KCNH7: variants seen among roughly 807,000 people sequenced by gnomAD.
KCNH7 encodes voltage-gated inwardly rectifying potassium channel KCNH7.
A neutral mutation model predicts 120.8 loss-of-function variants in KCNH7; 49 were observed. That is an observed-to-expected ratio of 0.41 (90% CI 0.32 to 0.51). The LOEUF is 0.51. Among genes scored for constraint, KCNH7 ranks in the 20% least tolerant of loss-of-function variants. The probability of loss-of-function intolerance (pLI) is 0.38; values close to 1 mark genes in which losing one functional copy is unlikely to be tolerated. For synonymous variants in KCNH7, 547 were observed against 516.1 expected (o/e 1.06, Z -0.81); for missense variants, 1,097 against 1,446.6 (o/e 0.76, Z 3.92).
intron 2 of KCNH7, among the ~76,000 whole-genome samples, chr2:162,803,143 A>G (rs1020397778): frequency 6.6e-6 from 1 of 151,816 alleles, no homozygotes; most frequent in African/African-American, 2.4e-5. Flanking sequence ...GAGATCGCCA[A>G]TTTATTCACA....
intron 2 of KCNH7, among the ~76,000 whole-genome samples, chr2:162,608,971 T>C (rs1682870952): frequency 6.6e-6 from 1 of 152,218 alleles, no homozygotes; most frequent in South Asian, 2.1e-4. Flanking sequence ...GAATAACACT[T>C]ATAATAACAG....
intron 2 of KCNH7, among the ~76,000 whole-genome samples, chr2:162,692,026 T>G (rs1686127297): frequency 6.6e-6 from 1 of 152,190 alleles, no homozygotes; most frequent in Admixed American, 6.6e-5. Flanking sequence ...ATCAACTGTG[T>G]TTAGTTCTGC....
At chr2:162,390,416 A>G (rs1021852717) in intron 12 of KCNH7, among the ~76,000 whole-genome samples, 1 of 151,914 alleles carries the variant, frequency 6.6e-6, no homozygotes, top group Non-Finnish European at 1.5e-5. Context: ...TATTACTTCT[A>G]TGACCTAATG....
At chr2:162,674,645 C>T (rs1685474383) in intron 2 of KCNH7, among the ~76,000 whole-genome samples, 1 of 151,558 alleles carries the variant, frequency 6.6e-6, no homozygotes, top group African/African-American at 2.4e-5. Context: ...GAGACATAAA[C>T]AAGTAGAGCA....
chr2:162,805,423 G>C (rs1285434567), intron 2 of KCNH7, among the ~76,000 whole-genome samples: 1 of 151,840 alleles, frequency 6.6e-6, no homozygotes, highest in Non-Finnish European at 1.5e-5. Context: ...GTGAGCAAAG[G>C]ACATGAATAG....
chr2:162,734,986 C>G (rs1010838824), intron 2 of KCNH7, among the ~76,000 whole-genome samples: 1 of 152,130 alleles, frequency 6.6e-6, no homozygotes, highest in Admixed American at 6.6e-5. Flanking sequence ...GCCTAGTAAT[C>G]TGGTGATCTA....
Position 162,789,571 on chromosome 2 carries a change from C to T in KCNH7, c.307+46966G>A, listed in dbSNP as rs144098190. 4.0e-3 allele frequency among the ~76,000 whole-genome samples: 607 copies of T among 152,016 alleles called. 1 individual carries two copies. The highest frequency in any genetic ancestry group is 0.031 in the Middle Eastern group (9 of 294). On this transcript the variant is annotated intron_variant, in intron 2 of 15. Transcript: ENST00000332142. ...CAGCGGAATACATGTTCTTCTCTAGCACACATAGAATGTTATCCAGGATCA... is the reference window on the plus strand; with the variant it reads ...CAGCGGAATACATGTTCTTCTCTAGTACACATAGAATGTTATCCAGGATCA...
chr2:162,714,982 A>T (rs150332459), intron 2 of KCNH7, among the ~76,000 whole-genome samples: 5 of 152,326 alleles, frequency 3.3e-5, no homozygotes, highest in Admixed American at 6.5e-5. Flanking sequence ...CATGCTAATA[A>T]TGAGAATATC....
intron 2 of KCNH7, among the ~76,000 whole-genome samples, chr2:162,780,448 G>A (rs1470843331): frequency 6.6e-6 from 1 of 152,132 alleles, no homozygotes; most frequent in African/African-American, 2.4e-5. Context: ...CTGAATAACA[G>A]CGTGCCAGCC....
chr2:162,648,724 C>A (rs75545139), intron 2 of KCNH7, among the ~76,000 whole-genome samples: 2,862 of 152,230 alleles, frequency 0.019, 103 homozygotes, highest in African/African-American at 0.064. Context: ...GATTTTGTCT[C>A]TTGGCCTATA....
At chr2:162,690,220 C>A (rs372932131) in intron 2 of KCNH7, among the ~76,000 whole-genome samples, 2 of 151,868 alleles carry the variant, frequency 1.3e-5, no homozygotes, top group Admixed American at 6.6e-5. Context: ...CACACGCTGA[C>A]CTTTCAGAGG....
intron 2 of KCNH7, among the ~76,000 whole-genome samples, chr2:162,690,985 G>T (rs755203857): frequency 6.8e-4 from 103 of 152,214 alleles, no homozygotes; most frequent in Middle Eastern, 6.8e-3. Flanking sequence ...AAGATAGGGA[G>T]GAATTTGTCT....
chr2:162,471,479 G>A (rs1463302015), intron 6 of KCNH7, among the ~76,000 whole-genome samples: 1 of 152,108 alleles, frequency 6.6e-6, no homozygotes, highest in Non-Finnish European at 1.5e-5. Flanking sequence ...GAGATGGTGT[G>A]GGTGAAGAGG....
At chr2:162,394,550 G>T in intron 11 of KCNH7, 65 bp from the exon 12 acceptor site, 1 of 922,942 alleles carries the variant, frequency 1.1e-6, no homozygotes, top group Non-Finnish European at 1.7e-6. Context: ...GTACTATTCA[G>T]TAAACTGTTT....
chr2:162,653,828 G>T (rs1308665962), intron 2 of KCNH7, among the ~76,000 whole-genome samples: 1 of 152,066 alleles, frequency 6.6e-6, no homozygotes, highest in Non-Finnish European at 1.5e-5. Context: ...AGAATAGACA[G>T]CCCAGAAATA....
chr2:162,792,414 G>A (rs1283709843), intron 2 of KCNH7, among the ~76,000 whole-genome samples: 2 of 151,904 alleles, frequency 1.3e-5, no homozygotes, highest in African/African-American at 4.8e-5. Context: ...ATCTGGCCCT[G>A]GCTTTTTTTG....
At chr2:162,699,917 G>A (rs1686430926) in intron 2 of KCNH7, among the ~76,000 whole-genome samples, 2 of 152,072 alleles carry the variant, frequency 1.3e-5, no homozygotes, top group South Asian at 4.2e-4. Flanking sequence ...GGAAATAAAG[G>A]AAAGCAAATA....
At chr2:162,616,762 G>A (rs1683153884) in intron 2 of KCNH7, among the ~76,000 whole-genome samples, 1 of 152,120 alleles carries the variant, frequency 6.6e-6, no homozygotes, top group African/African-American at 2.4e-5. Flanking sequence ...GTGACATGGG[G>A]AAAATGTATA....
rs10208421 is a variant in KCNH7, at chr2:162,407,240, T to C, written c.2155-6799A>G. Among the ~76,000 whole-genome samples the C allele has an allele frequency of 4.2e-3, 633 of 152,044 alleles. 2 individuals carry two copies. The highest frequency in any genetic ancestry group is 0.014 in the African/African-American group (599 of 41,508). On this transcript the variant is annotated intron_variant, in intron 9 of 15. Transcript: ENST00000332142. ...GATTTATATCCCTTAGGGAAAAAAA[T>C]ATGGGCAGAATAAAAACCTGTCACA...
Sources: gnomAD v4.1 joint callset for allele counts (sites outside exome capture counted in the v4.1 genomes callset) on GRCh38, gnomAD v4.1.1 for gene constraint, MANE v1.5 for transcripts, NCBI Gene and HGNC (gene_info 2026-07-23, HGNC 2026-07-21) for gene names.